The following CENPF variants were observed in gnomAD, a reference collection of about 807,000 sequenced individuals.
CENPF encodes the protein centromere protein F.
CENPF carries 214 observed loss-of-function variants against 307.3 expected under a neutral mutation model. That is an observed-to-expected ratio of 0.70 (90% CI 0.62 to 0.78). The LOEUF (loss-of-function observed/expected upper bound fraction) is 0.78, where lower values mean the gene tolerates loss of function less well. CENPF is among the 30% of genes least tolerant of loss of function. The pLI, the probability that CENPF is intolerant of heterozygous loss-of-function variation, is 0.00. For missense variants in CENPF, 3,401 were observed against 3,483.9 expected (o/e 0.98, Z 0.60); for synonymous variants, 1,259 against 1,270.6 (o/e 0.99, Z 0.19).
In CENPF at chr1:214,645,612, ACTC is replaced by A. The variant is rs1658271671; in HGVS notation, c.6045_6047del (p.Leu2016del). 6.2e-7 allele frequency: 1 copy of A among 1,613,978 alleles called. No individual in the cohort carries two copies. The highest frequency in any genetic ancestry group is 1.3e-5 in the African/African-American group (1 of 74,898). ...AGGCAGAGGTGAAGGAAAAGACGGA[ACTC>A]CTTCAGACTTTGTCCTCTGATGTGA... On this transcript the variant is annotated inframe_deletion, in exon 13 of 20. Coordinates refer to ENST00000366955, the MANE Select transcript of CENPF (RefSeq NM_016343.4).
rs1171929428 is a variant in CENPF, at chr1:214,659,063, A to G, written c.9141+35A>G. On this transcript the variant is annotated intron_variant, in intron 19 of 19. Coordinates refer to ENST00000366955, the MANE Select transcript of CENPF (RefSeq NM_016343.4). This position sits in a 1 kb window ranked among gnomAD's most constrained non-coding sequence, Gnocchi z 4.4. The stretch of plus-strand genomic sequence containing the variant: ...TGTCAACATCCGTCTACTGTTTGAG[A>G]TCCAGAAAATTGCAGTAGTACCTGG... 2 of 1,609,654 alleles carry G rather than the reference A, an allele frequency of 1.2e-6. No individual in the cohort carries two copies. Among genetic ancestry groups the G allele is most frequent in the South Asian group, 2.2e-5 (2 of 90,820 alleles).
Position 214,658,923 on chromosome 1 carries a change from C to T in CENPF, c.9036C>T (p.Ser3012=). 1.2e-6 allele frequency: 2 copies of T among 1,613,904 alleles called. No homozygotes were observed. Among genetic ancestry groups the T allele is most frequent in the Non-Finnish European group, 1.7e-6 (2 of 1,179,812 alleles). ...LRRTTMATRT[S]PRLAAQKLAL... is the part of the protein sequence containing the mutation. ...GAACAACCATGGCAACTCGGACCAGCCCCCGCCTGGCTGCACAGAAGTTAG... is the reference window on the plus strand; with the variant it reads ...GAACAACCATGGCAACTCGGACCAGTCCCCGCCTGGCTGCACAGAAGTTAG... The change falls in exon 19 of 20, where the codon AGC becomes AGT. Residue 3012 remains serine (S), a synonymous_variant. Coordinates refer to ENST00000366955, the MANE Select transcript of CENPF (RefSeq NM_016343.4).
chr1:214,612,077 G>C (rs1185691717), intron 1 of CENPF, among the ~76,000 whole-genome samples: 5 of 152,146 alleles, frequency 3.3e-5, no homozygotes, highest in Non-Finnish European at 5.9e-5. Context: ...AATGCTTTCA[G>C]CTTTTGCCCA....
chr1:214,612,717 T>C (rs1657231791), intron 1 of CENPF, among the ~76,000 whole-genome samples: 1 of 152,230 alleles, frequency 6.6e-6, no homozygotes, highest in South Asian at 2.1e-4. Context: ...AATTCAAGTA[T>C]GTGGACAGGA....
intron 14 of CENPF, among the ~76,000 whole-genome samples, chr1:214,650,393 G>A (rs1344975490): frequency 6.6e-6 from 1 of 152,128 alleles, no homozygotes; most frequent in Non-Finnish European, 1.5e-5. Flanking sequence ...ATATTCACTT[G>A]GCTAGTTCAA....
At chr1:214,612,445 T>C (rs1657224991) in intron 1 of CENPF, among the ~76,000 whole-genome samples, 1 of 152,152 alleles carries the variant, frequency 6.6e-6, no homozygotes, top group African/African-American at 2.4e-5. Context: ...TTGTTGGGTC[T>C]CTGCCAGGTT....
At position 214,644,794 on chromosome 1, in the gene CENPF, T is replaced by C. The variant is rs575873099; in HGVS notation, c.5224T>C (p.Ser1742Pro). 13 of 1,614,006 alleles carry C rather than the reference T, an allele frequency of 8.1e-6. No homozygotes were observed. In the East Asian group the frequency reaches 2.9e-4, roughly 36 times the overall value. The change falls in exon 13 of 20, where the codon TCT (serine) becomes CCT (proline). Residue 1742 changes from serine (S) to proline (P), a missense_variant. Coordinates refer to ENST00000366955, the MANE Select transcript of CENPF (RefSeq NM_016343.4). ...EPPGEDKTQG[S>P]SECISELSFS... ...TCCAGGGGAAGATAAAACCCAGGGC[T>C]CTTCAGAATGCATTTCTGAATTGTC...
Position 214,642,963 on chromosome 1 carries a change from C to G in CENPF, c.4625C>G (p.Pro1542Arg), listed in dbSNP as rs1658173071. 3.1e-6 allele frequency: 5 copies of G among 1,612,976 alleles called. No homozygotes were observed. The highest frequency in any genetic ancestry group is 4.2e-6 in the Non-Finnish European group (5 of 1,179,728). Residue 1542 changes from proline (P) to arginine (R), a missense_variant, in exon 12 of 20, where the codon CCT becomes CGT. By Grantham distance (103) the Pro-to-Arg change is moderately radical. Coordinates refer to ENST00000366955, the MANE Select transcript of CENPF (RefSeq NM_016343.4). Reference sequence around the variant, plus strand: ...GAGAATCTGACCAGGAAAGAAACCCCTTCGGCCCCAGCGAAGGGTGTTGAA... The same window carrying G: ...GAGAATCTGACCAGGAAAGAAACCCGTTCGGCCCCAGCGAAGGGTGTTGAA... ...QEENLTRKETPSAPAKGVEEL... is the reference protein window; with the variant it reads ...QEENLTRKETRSAPAKGVEEL...
intron 4 of CENPF, 46 bp from the exon 5 acceptor site, chr1:214,619,083 G>A: frequency 1.1e-6 from 1 of 947,162 alleles, no homozygotes; most frequent in African/African-American, 1.7e-5. Flanking sequence ...ATTCCTTCAT[G>A]GAATCAATGA....
Position 214,642,421 on chromosome 1 carries a change from G to A in CENPF, c.4083G>A (p.Val1361=), listed in dbSNP as rs1658149701. 2 of 1,599,074 alleles carry A rather than the reference G, an allele frequency of 1.3e-6. No individual in the cohort carries two copies. Among genetic ancestry groups the A allele is most frequent in the Non-Finnish European group, 8.5e-7 (1 of 1,172,880 alleles). Residue 1361 remains valine (V), a synonymous_variant, in exon 12 of 20, where the codon GTG becomes GTA. Coordinates refer to ENST00000366955, the MANE Select transcript of CENPF (RefSeq NM_016343.4). The part of the protein sequence containing the change: ...DDSGLLHGEL[V]EDIPGGEFGE... ...GTGGTCTTCTCCATGGTGAGTTAGT[G>A]GAAGACATACCAGGAGGTGAATTTG...
rs749779931 is a variant in CENPF, at chr1:214,641,433, C to T, written c.3095C>T (p.Thr1032Ile). 6.4e-7 allele frequency: 1 copy of T among 1,563,714 alleles called. No individual in the cohort carries two copies. The highest frequency in any genetic ancestry group is 8.6e-7 in the Non-Finnish European group (1 of 1,164,036). ...KLILLQRCEETGNAYEDLSQK... is the reference protein window; with the variant it reads ...KLILLQRCEEIGNAYEDLSQK... ...ATTTTACTACAAAGATGTGAAGAAA[C>T]CGGAAATGCATATGAGGATCTTAGT... Residue 1032 changes from threonine to isoleucine, a missense_variant, in exon 12 of 20, where the codon ACC becomes ATC. Coordinates refer to ENST00000366955, the MANE Select transcript of CENPF (RefSeq NM_016343.4).
intron 8 of CENPF, among the ~76,000 whole-genome samples, chr1:214,629,568 T>C (rs113512621): frequency 0.035 from 5,257 of 152,180 alleles, 318 homozygotes; most frequent in African/African-American, 0.12. Context: ...ATTTTTTTTT[T>C]TGAGACAGAG....
Position 214,653,127 on chromosome 1 carries a change from C to A in CENPF, c.8322+138C>A, listed in dbSNP as rs12076491. 0.01 allele frequency: 8,223 copies of A among 790,406 alleles called. 453 individuals carry two copies. In the African/African-American group the frequency reaches 0.12, roughly 12 times the overall value. The allele number at this position is 790,406 out of a possible 1,614,324, so 49.0% of individuals were successfully genotyped here. ...TCAAAAATGATGTCATTCATCAGTT[C>A]TCTGCTGAGTTATCTTTAAAAAAAA... On this transcript the variant is annotated intron_variant, in intron 16 of 19. Coordinates refer to ENST00000366955, the MANE Select transcript of CENPF (RefSeq NM_016343.4).
intron 7 of CENPF, among the ~76,000 whole-genome samples, chr1:214,625,667 G>A (rs576100529): frequency 5.3e-5 from 8 of 150,314 alleles, no homozygotes; most frequent in African/African-American, 2.4e-5. Context: ...TCCTGCCTTT[G>A]CGGGTTGTTT....
At chr1:214,651,604 C>A in intron 14 of CENPF, 106 bp from the exon 15 acceptor site, 1 of 757,308 alleles carries the variant, frequency 1.3e-6, no homozygotes, top group Non-Finnish European at 2.1e-6. Context: ...TTTTATCTTG[C>A]CCATAAATAT....
At chr1:214,607,579 T>C (rs1271438676) in intron 1 of CENPF, among the ~76,000 whole-genome samples, 3 of 152,172 alleles carry the variant, frequency 2.0e-5, no homozygotes, top group Non-Finnish European at 4.4e-5. Context: ...CTCAGAGCTA[T>C]GCCTGGTCCC....
At chr1:214,626,676 A>G (rs1657663074) in intron 7 of CENPF, among the ~76,000 whole-genome samples, 1 of 152,184 alleles carries the variant, frequency 6.6e-6, no homozygotes, top group Admixed American at 6.5e-5. Context: ...TCTGAGCCCC[A>G]GTTGTCTAAT....
At chr1:214,612,758 G>A (rs1334166413) in intron 1 of CENPF, among the ~76,000 whole-genome samples, 4 of 152,118 alleles carry the variant, frequency 2.6e-5, no homozygotes, top group South Asian at 2.1e-4. Flanking sequence ...TTGTTACAGC[G>A]CAACTAACAT....
At chr1:214,651,994 T>A in intron 15 of CENPF, 108 bp downstream of exon 15, 1 of 876,252 alleles carries the variant, frequency 1.1e-6, no homozygotes, top group Non-Finnish European at 1.6e-6. Flanking sequence ...ATTACTATGC[T>A]ATATAATCTT....
Sources: gnomAD v4.1 joint callset for allele counts (sites outside exome capture counted in the v4.1 genomes callset) on GRCh38, gnomAD v4.1.1 for gene constraint, Gnocchi (gnomAD v3.1) non-coding constraint, MANE v1.5 for transcripts, NCBI Gene and HGNC (gene_info 2026-07-23, HGNC 2026-07-21) for gene names.